SCUBE1: variants seen among roughly 807,000 people sequenced by gnomAD.
SCUBE1 encodes the protein signal peptide, CUB domain and EGF like domain containing 1, also known as signal peptide, CUB and EGF-like domain-containing protein 1.
A neutral mutation model predicts 124.4 loss-of-function variants in SCUBE1; 59 were observed. That is an observed-to-expected ratio of 0.47 (90% confidence interval 0.38 to 0.59). SCUBE1 has a LOEUF of 0.59. Among genes scored for constraint, SCUBE1 ranks in the 20% least tolerant of loss-of-function variants. The pLI is 0.00. For synonymous variants in SCUBE1, 545 were observed against 550.9 expected, an observed-to-expected ratio of 0.99 and a Z score of 0.15; for missense variants, 1,150 against 1,371.2, an observed-to-expected ratio of 0.84 and a Z score of 2.55.
At chr22:43,331,462 G>A (rs1167985025) in intron 2 of SCUBE1, among the ~76,000 whole-genome samples, 1 of 152,078 alleles carries the variant, frequency 6.6e-6, no homozygotes, top group Admixed American at 6.6e-5. Flanking sequence ...TTGAATAAAT[G>A]GTTTAAAAAA....
rs554986079 is a variant in SCUBE1 at position 43,343,280 on chromosome 22, T to TGGGCGTGCGGGCGTGCGGGCGTGC, written c.-20_-19insGCACGCCCGCACGCCCGCACGCCC. The TGGGCGTGCGGGCGTGCGGGCGTGC allele has an allele frequency of 1.8e-6, 2 of 1,097,346 alleles. No homozygotes were observed. Among genetic ancestry groups the TGGGCGTGCGGGCGTGCGGGCGTGC allele is most frequent in the Admixed American group, 5.1e-5 (1 of 19,544 alleles). The allele number at this position is 1,097,346 out of a possible 1,614,324, so 68.0% of individuals were successfully genotyped here. ...CGCCCATGCTCAATGCGGGCCCCGC[T>TGGGCGTGCGGGCGTGCGGGCGTGC]GGGCGTGCGGGCGTGCGGGGCGCGG... On this transcript the variant is annotated 5_prime_UTR_variant, in exon 1 of 22. Transcript: ENST00000360835.
intron 19 of SCUBE1, among the ~76,000 whole-genome samples, chr22:43,208,881 G>T (rs1042772721): frequency 6.6e-6 from 1 of 152,144 alleles, no homozygotes; most frequent in Non-Finnish European, 1.5e-5. Context: ...GCCTCTCCCC[G>T]CTTAAGGGCT....
chr22:43,227,658 C>T (rs931841296), intron 9 of SCUBE1, among the ~76,000 whole-genome samples, 162 bp from the exon 10 acceptor site: 10 of 152,282 alleles, frequency 6.6e-5, no homozygotes, highest in Non-Finnish European at 7.4e-5. Flanking sequence ...CGCACACACA[C>T]GCGTGGGTTT....
chr22:43,207,846 G>C (rs1921358195), intron 20 of SCUBE1, among the ~76,000 whole-genome samples: 1 of 152,212 alleles, frequency 6.6e-6, no homozygotes, highest in South Asian at 2.1e-4. Context: ...TGCTTGGGCA[G>C]CACCTCAGCT....
intron 4 of SCUBE1, chr22:43,282,145 G>A (rs1378681037): frequency 6.5e-6 from 1 of 152,678 alleles, no homozygotes; most frequent in Admixed American, 6.5e-5. Flanking sequence ...GTCTCTGCTA[G>A]GTTGCAAGTG....
At chr22:43,342,568 T>G (rs981403160) in intron 1 of SCUBE1, among the ~76,000 whole-genome samples, 3 of 150,492 alleles carry the variant, frequency 2.0e-5, no homozygotes, top group Non-Finnish European at 4.4e-5. Context: ...TCTCTCTCCC[T>G]TATCATCGGT....
chr22:43,225,916 C>G (rs190413810), intron 10 of SCUBE1, among the ~76,000 whole-genome samples: 238 of 152,232 alleles, frequency 1.6e-3, no homozygotes, highest in Middle Eastern at 6.8e-3. Context: ...CTCCGCCACC[C>G]GTACAACCCC....
chr22:43,297,116 C>T (rs998901571), intron 3 of SCUBE1, among the ~76,000 whole-genome samples: 1 of 152,244 alleles, frequency 6.6e-6, no homozygotes, highest in Non-Finnish European at 1.5e-5. Flanking sequence ...CTGTTGTTCT[C>T]GAAGCCCCTT....
At chr22:43,253,860 T>C (rs1450526491) in intron 6 of SCUBE1, among the ~76,000 whole-genome samples, 1 of 152,196 alleles carries the variant, frequency 6.6e-6, no homozygotes, top group Admixed American at 6.5e-5. Flanking sequence ...CCTCAGACAG[T>C]AGTGCCCGCT....
chr22:43,198,593 T>C lies in SCUBE1; in HGVS notation c.*5404A>G, dbSNP rs1391420741. On this transcript the variant is annotated 3_prime_UTR_variant, in exon 22 of 22. Coordinates refer to ENST00000360835, the MANE Select transcript of SCUBE1 (RefSeq NM_173050.5). ...CACCCCTCATTACATCCTCTGCCCT[T>C]GGCCTGAATGATGTCGGCTCGGCAT... 8.8e-6 allele frequency: 4 copies of C among 456,766 alleles called. No homozygotes were observed. Among genetic ancestry groups the C allele is most frequent in the South Asian group, 6.2e-5 (4 of 64,574 alleles). The allele number at this position is 456,766 out of a possible 1,614,324, so 28.3% of individuals were successfully genotyped here.
chr22:43,206,537 G>A (rs552870086), intron 21 of SCUBE1, among the ~76,000 whole-genome samples: 9 of 152,272 alleles, frequency 5.9e-5, no homozygotes, highest in South Asian at 4.1e-4. Context: ...AGGGGCACGC[G>A]GGACCTAAGG....
At chr22:43,307,938 G>A (rs1029556171) in intron 3 of SCUBE1, among the ~76,000 whole-genome samples, 20 of 141,276 alleles carry the variant, frequency 1.4e-4, no homozygotes, top group Non-Finnish European at 1.1e-4. Context: ...CTGATTGCTG[G>A]GCCAGAAGGG....
Position 43,210,361 on chromosome 22 carries a change from A to C in SCUBE1, c.2384-121T>G, listed in dbSNP as rs1569495510. On this transcript the variant is annotated intron_variant, in intron 18 of 21. Coordinates refer to ENST00000360835, the MANE Select transcript of SCUBE1 (RefSeq NM_173050.5). This position sits in a 1 kb window ranked among gnomAD's most constrained non-coding sequence, Gnocchi z 4.5. ...CTGGAAGGTGCTCTTGTCCCCCCCCACACTAGCCCTCGGACCCTGAGCCCA... is the reference window on the plus strand; with the variant it reads ...CTGGAAGGTGCTCTTGTCCCCCCCCCCACTAGCCCTCGGACCCTGAGCCCA... 2.1e-5 allele frequency: 17 copies of C among 807,762 alleles called. No homozygotes were observed. Among genetic ancestry groups the C allele is most frequent in the Admixed American group, 3.5e-5 (1 of 28,944 alleles). 50.0% of individuals were successfully genotyped at this position (807,762 alleles called of 1,614,324 possible).
chr22:43,330,660 G>A (rs1424142072), intron 2 of SCUBE1, among the ~76,000 whole-genome samples: 2 of 152,206 alleles, frequency 1.3e-5, no homozygotes, highest in South Asian at 2.1e-4. Flanking sequence ...AGGCTCAGGG[G>A]TGAACTTGCC....
In SCUBE1 at chr22:43,199,019, CTGTT is replaced by C. The variant is rs1426872405; in HGVS notation, c.*4974_*4977del. On this transcript the variant is annotated 3_prime_UTR_variant, in exon 22 of 22. Coordinates refer to ENST00000360835, the MANE Select transcript of SCUBE1 (RefSeq NM_173050.5). ...CTGTCTGCTGTCCGGGGCAGTGTGT[CTGTT>C]TGTCTCTCTGCTGTCCAGGGCAATG... The C allele has an allele frequency of 3.7e-5, 13 of 349,712 alleles. No homozygotes were observed. Among genetic ancestry groups the C allele is most frequent in the African/African-American group, 1.5e-4 (7 of 45,242 alleles). 21.7% of individuals were successfully genotyped at this position (349,712 alleles called of 1,614,324 possible).
At chr22:43,335,630 C>T (rs951672168) in intron 2 of SCUBE1, among the ~76,000 whole-genome samples, 3 of 152,194 alleles carry the variant, frequency 2.0e-5, no homozygotes, top group Non-Finnish European at 2.9e-5. Context: ...GACTATGTTG[C>T]ACCATAACTA....
chr22:43,244,024 C>A (rs1490384756), intron 6 of SCUBE1, among the ~76,000 whole-genome samples: 1 of 152,166 alleles, frequency 6.6e-6, no homozygotes, highest in Non-Finnish European at 1.5e-5. Flanking sequence ...TGCTAGGTGG[C>A]CGGGAGAGGG....
At chr22:43,312,998 CTGTG>C (rs1926224706) in intron 3 of SCUBE1, among the ~76,000 whole-genome samples, 1 of 152,214 alleles carries the variant, frequency 6.6e-6, no homozygotes, top group Non-Finnish European at 1.5e-5. Context: ...CACCTACTGT[CTGTG>C]TGAGCTTGGG....
At chr22:43,341,894 C>T (rs1433956920) in intron 1 of SCUBE1, among the ~76,000 whole-genome samples, 2 of 151,948 alleles carry the variant, frequency 1.3e-5, no homozygotes, top group African/African-American at 2.4e-5. Flanking sequence ...AGGAGGGACA[C>T]AGGTGGGGAT....
Sources: gnomAD v4.1 joint callset for allele counts (sites outside exome capture counted in the v4.1 genomes callset) on GRCh38, gnomAD v4.1.1 for gene constraint, Gnocchi (gnomAD v3.1) non-coding constraint, MANE v1.5 for transcripts, NCBI Gene and HGNC (gene_info 2026-07-23, HGNC 2026-07-21) for gene names.